The following NKAIN2 variants were observed in gnomAD, a reference collection of about 807,000 sequenced individuals.
The protein encoded by NKAIN2 is sodium/potassium transporting ATPase interacting 2, also known as sodium/potassium-transporting ATPase subunit beta-1-interacting protein 2.
A neutral mutation model predicts 32.6 loss-of-function variants in NKAIN2; 14 were observed. The ratio of observed to expected loss-of-function variants is 0.43; its 90% confidence interval spans 0.28 to 0.67. NKAIN2 has a LOEUF of 0.67. NKAIN2 is among the 30% of genes least tolerant of loss of function. NKAIN2 has a pLI of 0.17. For synonymous variants in NKAIN2, 80 were observed against 87.2 expected (o/e 0.92, Z 0.46); for missense variants, 198 against 258.3 (o/e 0.77, Z 1.60).
In NKAIN2 at chr6:124,714,680, A is replaced by G. The variant is rs73770544; in HGVS notation, c.474+56294A>G. 2.2e-3 allele frequency among the ~76,000 whole-genome samples: 329 copies of G among 152,312 alleles called. 1 individual carries two copies. Among genetic ancestry groups the G allele is most frequent in the African/African-American group, 7.8e-3 (323 of 41,584 alleles). On this transcript the variant is annotated intron_variant, in intron 4 of 6. Transcript: ENST00000368417. ...TGGTGTACTTACAGATCTAATTTTC[A>G]TCTGAGCATAGTACATTGTAGTTCC... is the stretch of plus-strand genomic sequence containing the variant.
intron 2 of NKAIN2, among the ~76,000 whole-genome samples, chr6:124,324,722 T>A (rs1201035039): frequency 6.6e-6 from 1 of 151,636 alleles, no homozygotes; most frequent in Non-Finnish European, 1.5e-5. Flanking sequence ...GTTTTTTTTT[T>A]ATCACATTGA....
At chr6:124,784,815 G>A (rs968457455) in intron 4 of NKAIN2, among the ~76,000 whole-genome samples, 2 of 152,050 alleles carry the variant, frequency 1.3e-5, no homozygotes, top group East Asian at 3.9e-4. Flanking sequence ...CCTCCAAACT[G>A]TTTTCCAGAA....
At chr6:124,596,389 G>A (rs1782086831) in intron 3 of NKAIN2, among the ~76,000 whole-genome samples, 1 of 152,138 alleles carries the variant, frequency 6.6e-6, no homozygotes, top group Admixed American at 6.5e-5. Context: ...CTGTGTGAGA[G>A]CCCCACAGGG....
At chr6:124,687,584 A>ATAC (rs1562324953) in intron 4 of NKAIN2, among the ~76,000 whole-genome samples, 1 of 89,890 alleles carries the variant, frequency 1.1e-5, no homozygotes, top group Non-Finnish European at 2.1e-5. Flanking sequence ...ATATATTTAT[A>ATAC]ATATAAATAT....
intron 4 of NKAIN2, among the ~76,000 whole-genome samples, chr6:124,729,803 G>C (rs983906031): frequency 6.2e-4 from 95 of 152,022 alleles, no homozygotes; most frequent in African/African-American, 2.1e-3. Flanking sequence ...TGTATATCTA[G>C]AAAACCCCAT....
intron 1 of NKAIN2, among the ~76,000 whole-genome samples, chr6:124,096,952 A>C (rs184718396): frequency 7.5e-4 from 114 of 152,258 alleles, no homozygotes; most frequent in African/African-American, 2.7e-3. Context: ...TTACACTTCA[A>C]AATGTTTATT....
intron 3 of NKAIN2, among the ~76,000 whole-genome samples, chr6:124,539,379 C>CT (rs561969605): frequency 1.5e-3 from 225 of 149,572 alleles, no homozygotes; most frequent in South Asian, 9.6e-3. Flanking sequence ...AATACTCTCT[C>CT]TTTTTTTTTT....
chr6:124,135,660 A>C (rs1220607029), intron 1 of NKAIN2, among the ~76,000 whole-genome samples: 1 of 152,078 alleles, frequency 6.6e-6, no homozygotes, highest in South Asian at 2.1e-4. Context: ...ATTTAAGAAA[A>C]TTGAAATCAT....
intron 3 of NKAIN2, among the ~76,000 whole-genome samples, chr6:124,554,057 AGTCT>A (rs1780386970): frequency 6.6e-6 from 1 of 152,228 alleles, no homozygotes; most frequent in South Asian, 2.1e-4. Flanking sequence ...AGAGGCAGTC[AGTCT>A]TAGTATATAG....
intron 1 of NKAIN2, among the ~76,000 whole-genome samples, chr6:123,851,341 C>T (rs1582650325): frequency 1.3e-5 from 2 of 148,650 alleles, no homozygotes; most frequent in African/African-American, 5.0e-5. Flanking sequence ...CCTCCGCCTC[C>T]TAGGTTCAAG....
intron 3 of NKAIN2, among the ~76,000 whole-genome samples, chr6:124,445,070 A>C (rs1177519790): frequency 6.6e-6 from 1 of 152,062 alleles, no homozygotes; most frequent in Non-Finnish European, 1.5e-5. Context: ...TGGATATATG[A>C]GTTTTAATAA....
chr6:124,005,161 G>T (rs1011649880), intron 1 of NKAIN2, among the ~76,000 whole-genome samples: 2 of 152,092 alleles, frequency 1.3e-5, no homozygotes, highest in African/African-American at 2.4e-5. Context: ...GGAGGTGGAG[G>T]TTGCAGTGAG....
At position 124,218,752 on chromosome 6, in the gene NKAIN2, T is replaced by A. The variant is rs574028172; in HGVS notation, c.55-64253T>A. Among the ~76,000 whole-genome samples, 3 of 152,288 alleles carry A rather than the reference T, an allele frequency of 2.0e-5. No homozygotes were observed. The East Asian group carries it at 5.8e-4, about 29-fold the overall frequency. ...TGTGCTCTGTAAAAAAATCATCTAATCTGACCTACTTTTAAATACCAGTTA... is the reference window on the plus strand; with the variant it reads ...TGTGCTCTGTAAAAAAATCATCTAAACTGACCTACTTTTAAATACCAGTTA... On this transcript the variant is annotated intron_variant, in intron 1 of 6. Transcript: ENST00000368417.
At chr6:124,301,233 G>C (rs1353883276) in intron 2 of NKAIN2, among the ~76,000 whole-genome samples, 1 of 152,182 alleles carries the variant, frequency 6.6e-6, no homozygotes, top group Non-Finnish European at 1.5e-5. Context: ...CCCAAGCCTT[G>C]GCAGCTTCCA....
intron 3 of NKAIN2, among the ~76,000 whole-genome samples, chr6:124,482,800 AC>A (rs936095329): frequency 1.7e-4 from 26 of 152,340 alleles, no homozygotes; most frequent in African/African-American, 6.0e-4. Context: ...TATTTATTTT[AC>A]ATGTTTTGCT....
intron 4 of NKAIN2, among the ~76,000 whole-genome samples, chr6:124,708,775 C>G (rs1271803628): frequency 6.6e-6 from 1 of 151,472 alleles, no homozygotes; most frequent in Non-Finnish European, 1.5e-5. Context: ...ACAATCATGT[C>G]GTCTGCAAAC....
At chr6:123,817,971 C>T (rs1773764902) in intron 1 of NKAIN2, among the ~76,000 whole-genome samples, 1 of 152,138 alleles carries the variant, frequency 6.6e-6, no homozygotes, top group South Asian at 2.1e-4. Flanking sequence ...GGCTGTTTTA[C>T]TCAGTTTAGT....
At chr6:124,307,987 A>G (rs1796574321) in intron 2 of NKAIN2, among the ~76,000 whole-genome samples, 1 of 152,128 alleles carries the variant, frequency 6.6e-6, no homozygotes, top group South Asian at 2.1e-4. Context: ...AATTTTTTTT[A>G]TTTTACTTTA....
At chr6:124,714,082 C>T (rs958379826) in intron 4 of NKAIN2, among the ~76,000 whole-genome samples, 3 of 152,196 alleles carry the variant, frequency 2.0e-5, no homozygotes, top group Admixed American at 2.0e-4. Context: ...GGATGTATAC[C>T]TGACCCTAAC....
Sources: allele counts gnomAD v4.1 joint callset (sites outside exome capture counted in the v4.1 genomes callset), GRCh38; gene constraint gnomAD v4.1.1; transcripts MANE v1.5; gene names NCBI Gene and HGNC (gene_info 2026-07-23, HGNC 2026-07-21).